Variants in PHTF2 observed in about 807,000 individuals in gnomAD.
PHTF2 encodes the protein protein PHTF2.
In PHTF2, 60 loss-of-function variants were observed where a neutral mutation model predicts 101.2. The ratio of observed to expected loss-of-function variants is 0.59; its 90% CI spans 0.48 to 0.73. The LOEUF (loss-of-function observed/expected upper bound fraction) is 0.73, where lower values mean the gene tolerates loss of function less well. Ranked by LOEUF, PHTF2 falls within the 30% of genes least tolerant of loss-of-function variation. PHTF2 has a pLI of 0.00. For synonymous variants in PHTF2, 311 were observed against 307.3 expected (o/e 1.01, Z -0.13); for missense variants, 747 against 908.7 (o/e 0.82, Z 2.29).
At chr7:77,806,148 C>G (rs1792958889) in intron 1 of PHTF2, among the ~76,000 whole-genome samples, 1 of 149,192 alleles carries the variant, frequency 6.7e-6, no homozygotes, top group Non-Finnish European at 1.5e-5. Flanking sequence ...GCACTCTAGC[C>G]TGGGTGACTC....
At chr7:77,804,925 C>A (rs141742547) in intron 1 of PHTF2, among the ~76,000 whole-genome samples, 446 of 152,326 alleles carry the variant, frequency 2.9e-3, no homozygotes, top group African/African-American at 9.9e-3. Flanking sequence ...GAAATACCAA[C>A]ATACTGATAT....
At chr7:77,908,683 T>A (rs1802086197) in intron 7 of PHTF2, 110 bp from the exon 7 acceptor site, 7 of 670,084 alleles carry the variant, frequency 1.0e-5, no homozygotes, top group Middle Eastern at 3.7e-4. Context: ...TAAACTCATT[T>A]AAATTTAGAA....
chr7:77,852,622 A>G (rs531902182), intron 2 of PHTF2, among the ~76,000 whole-genome samples: 5 of 152,322 alleles, frequency 3.3e-5, no homozygotes, highest in South Asian at 2.1e-4. Context: ...AGTGGTTTAT[A>G]TATCACAAAT....
Position 77,940,572 on chromosome 7 carries a change from G to T in PHTF2, c.1785G>T (p.Arg595Ser). Residue 595 changes from arginine to serine, a missense_variant, in exon 15 of 20, where the codon AGG becomes AGT. By Grantham distance (110) the Arg-to-Ser change is moderately radical. Transcript: ENST00000416283. ...TCTTTGGACATTTAACATCTGCAAG[G>T]AGGGCTCGAAAATCTGAGGTTCCTC... is the stretch of plus-strand genomic sequence containing the variant. The T allele has an allele frequency of 1.9e-6, 3 of 1,608,560 alleles. No homozygotes were observed. Among genetic ancestry groups the T allele is most frequent in the Non-Finnish European group, 2.5e-6 (3 of 1,176,522 alleles).
At chr7:77,950,431 C>G (rs531224597) in intron 17 of PHTF2, among the ~76,000 whole-genome samples, 8 of 152,030 alleles carry the variant, frequency 5.3e-5, no homozygotes, top group Non-Finnish European at 8.8e-5. Context: ...GAGGGTAAGG[C>G]AGGTGGATTA....
chr7:77,924,306 A>T (rs1052225572), intron 11 of PHTF2: 1 of 207,252 alleles, frequency 4.8e-6, no homozygotes. Context: ...AATCATTTGG[A>T]CCCACTCAAA....
At chr7:77,834,312 CAAAAA>C (rs34947684) in intron 1 of PHTF2, among the ~76,000 whole-genome samples, 1 of 89,110 alleles carries the variant, frequency 1.1e-5, no homozygotes, top group Non-Finnish European at 2.4e-5. Flanking sequence ...GACCTTGTCT[CAAAAA>C]AAAAAAAAAA....
chr7:77,811,350 T>TA (rs1793426843), intron 1 of PHTF2, among the ~76,000 whole-genome samples: 1 of 152,244 alleles, frequency 6.6e-6, no homozygotes, highest in South Asian at 2.1e-4. Context: ...GCCAGGTTTC[T>TA]ACAAGGTAAA....
intron 5 of PHTF2, among the ~76,000 whole-genome samples, chr7:77,897,293 ATTT>A (rs10687152): frequency 3.0e-5 from 4 of 133,712 alleles, no homozygotes; most frequent in Admixed American, 7.5e-5. Context: ...AGCCCATTTC[ATTT>A]TTTTTTTTTT....
At chr7:77,882,547 T>C (rs1799506903) in intron 3 of PHTF2, among the ~76,000 whole-genome samples, 1 of 152,144 alleles carries the variant, frequency 6.6e-6, no homozygotes, top group African/African-American at 2.4e-5. Flanking sequence ...ATTTATTCCA[T>C]GGTTTAGACT....
chr7:77,925,691 C>T (rs1297188850), intron 11 of PHTF2, among the ~76,000 whole-genome samples: 2 of 151,680 alleles, frequency 1.3e-5, no homozygotes, highest in Admixed American at 6.6e-5. Flanking sequence ...TCTTGATGCA[C>T]CCACCTGGAC....
chr7:77,934,741 A>C (rs1804928077), intron 12 of PHTF2, among the ~76,000 whole-genome samples: 1 of 152,166 alleles, frequency 6.6e-6, no homozygotes, highest in Non-Finnish European at 1.5e-5. Context: ...TGAGGTCAGG[A>C]GTTCGAGACC....
chr7:77,887,507 A>T (rs1799973415), intron 3 of PHTF2, among the ~76,000 whole-genome samples: 1 of 152,168 alleles, frequency 6.6e-6, no homozygotes, highest in Non-Finnish European at 1.5e-5. Context: ...GATGACAGAA[A>T]ATGATGTTTG....
chr7:77,815,214 C>A (rs540316494), intron 1 of PHTF2, among the ~76,000 whole-genome samples: 100 of 152,142 alleles, frequency 6.6e-4, no homozygotes, highest in African/African-American at 2.3e-3. Flanking sequence ...TCTTGTTCAG[C>A]CTTTGCTGGG....
chr7:77,805,604 A>G (rs1450439650), intron 1 of PHTF2, among the ~76,000 whole-genome samples: 2 of 152,128 alleles, frequency 1.3e-5, no homozygotes, highest in African/African-American at 2.4e-5. Context: ...ATATGTTTTC[A>G]TTTTCATTGA....
At chr7:77,846,048 G>A (rs1796256779) in intron 2 of PHTF2, among the ~76,000 whole-genome samples, 1 of 152,086 alleles carries the variant, frequency 6.6e-6, no homozygotes, top group East Asian at 1.9e-4. Flanking sequence ...AAGCCCCAAG[G>A]TCCCTCCATA....
rs373837742 is a variant in PHTF2, at chr7:77,900,764, T to C, written c.270T>C (p.Asp90=). The change falls in exon 6 of 20, where the codon GAT becomes GAC. Residue 90 remains aspartate (D), a synonymous_variant. Transcript: ENST00000416283. ...CACATGTGAAACCAGACCTCATAGA[T>C]GTTGATCTTGTAAGAGGTGAGTCTG... 1.4e-4 allele frequency: 210 copies of C among 1,547,476 alleles called. 1 individual carries two copies. Among genetic ancestry groups the C allele is most frequent in the South Asian group, 5.5e-4 (49 of 89,706 alleles).
chr7:77,941,562 C>T (rs1026086292), intron 15 of PHTF2, among the ~76,000 whole-genome samples: 2 of 152,242 alleles, frequency 1.3e-5, no homozygotes, highest in South Asian at 2.1e-4. Flanking sequence ...TACCCTCATA[C>T]GTAAGCTTAT....
intron 10 of PHTF2, among the ~76,000 whole-genome samples, chr7:77,920,926 C>A (rs1387046748): frequency 6.6e-6 from 1 of 152,168 alleles, no homozygotes; most frequent in Non-Finnish European, 1.5e-5. Context: ...CTCAAGCAGT[C>A]CACCCACCTC....
Sources: allele counts gnomAD v4.1 joint callset (sites outside exome capture counted in the v4.1 genomes callset), GRCh38; gene constraint gnomAD v4.1.1; transcripts MANE v1.5; gene names NCBI Gene and HGNC (gene_info 2026-07-23, HGNC 2026-07-21).